TRIQK: variants seen among roughly 807,000 people sequenced by gnomAD.
TRIQK encodes the protein triple QxxK/R motif containing.
Under a neutral mutation model 10.8 loss-of-function variants are expected in TRIQK, and 10 were observed. The observed-to-expected ratio is 0.92, with a 90% CI of 0.57 to 1.57. The LOEUF is 1.57. Among genes scored for constraint, TRIQK ranks in the 40% most tolerant of loss-of-function variants. TRIQK has a pLI of 0.00. For synonymous variants in TRIQK, 33 were observed against 33.7 expected (o/e 0.98, Z 0.07); for missense variants, 107 against 97.7 (o/e 1.09, Z -0.40).
chr8:92,919,385 CT>C (rs1810049575), intron 2 of TRIQK, among the ~76,000 whole-genome samples: 1 of 151,816 alleles, frequency 6.6e-6, no homozygotes, highest in Non-Finnish European at 1.5e-5. Context: ...TTTTCAGCAT[CT>C]ACTGAAATAA....
chr8:92,894,456 A>G (rs1218861856), intron 3 of TRIQK, among the ~76,000 whole-genome samples: 1 of 152,148 alleles, frequency 6.6e-6, no homozygotes, highest in Non-Finnish European at 1.5e-5. Flanking sequence ...AAGGGAAAAA[A>G]AAAACACAGT....
At chr8:92,919,921 A>G (rs568646301) in intron 2 of TRIQK, among the ~76,000 whole-genome samples, 10 of 151,824 alleles carry the variant, frequency 6.6e-5, no homozygotes, top group African/African-American at 2.4e-4. Flanking sequence ...ATTTGTTGGT[A>G]TATAGTTGTT....
chr8:92,990,917 T>C (rs534666813), intron 1 of TRIQK, among the ~76,000 whole-genome samples: 1 of 152,018 alleles, frequency 6.6e-6, no homozygotes, highest in African/African-American at 2.4e-5. Context: ...TTCACTGCCC[T>C]GAAAAGGGGG....
intron 2 of TRIQK, among the ~76,000 whole-genome samples, chr8:92,918,612 G>T (rs548476067): frequency 6.6e-6 from 1 of 151,874 alleles, no homozygotes; most frequent in South Asian, 2.1e-4. Flanking sequence ...TATATTCTGG[G>T]TATTAATCCT....
intron 1 of TRIQK, among the ~76,000 whole-genome samples, chr8:92,995,450 C>T (rs1813143996): frequency 6.6e-6 from 1 of 151,814 alleles, no homozygotes. Context: ...TCTTTAGGGT[C>T]TTTGTTATTA....
chr8:93,007,434 G>A (rs1369084895), intron 1 of TRIQK, among the ~76,000 whole-genome samples: 1 of 152,208 alleles, frequency 6.6e-6, no homozygotes, highest in Non-Finnish European at 1.5e-5. Flanking sequence ...AAGACTCAAC[G>A]AGAAAACACT....
At chr8:92,935,859 T>C (rs567240100) in intron 2 of TRIQK, among the ~76,000 whole-genome samples, 2 of 151,666 alleles carry the variant, frequency 1.3e-5, no homozygotes, top group Admixed American at 1.3e-4. Flanking sequence ...AAAACAGACT[T>C]ACCAATAGCA....
intron 3 of TRIQK, among the ~76,000 whole-genome samples, chr8:92,910,288 A>G (rs1280506151): frequency 6.6e-6 from 1 of 151,322 alleles, no homozygotes; most frequent in East Asian, 1.9e-4. Context: ...TAAGGATATT[A>G]ATATACTTTA....
rs530712557 is a variant in TRIQK, at chr8:93,012,755, C to G, written c.-181+4854G>C. On this transcript the variant is annotated intron_variant, in intron 1 of 4. Transcript: ENST00000520686. Reference sequence around the variant, plus strand: ...CAGGTTTGTTTTCTTACTAAACCCTCTGAATAAAAGGGTAAAAAATATTCC... The same window carrying G: ...CAGGTTTGTTTTCTTACTAAACCCTGTGAATAAAAGGGTAAAAAATATTCC... Among the ~76,000 whole-genome samples, 12 of 152,252 alleles carry G rather than the reference C, an allele frequency of 7.9e-5. No homozygotes were observed. In the East Asian group the frequency reaches 1.9e-3, roughly 25 times the overall value.
At chr8:92,971,560 A>G (rs1028446076) in intron 1 of TRIQK, among the ~76,000 whole-genome samples, 1 of 152,212 alleles carries the variant, frequency 6.6e-6, no homozygotes, top group Non-Finnish European at 1.5e-5. Flanking sequence ...TACGAAGAGA[A>G]TAAAATACCT....
chr8:92,923,284 G>A (rs941218046), intron 2 of TRIQK, among the ~76,000 whole-genome samples: 19 of 151,600 alleles, frequency 1.3e-4, no homozygotes, highest in African/African-American at 2.7e-4. Context: ...ACATACAGCC[G>A]CAATTTCTAA....
At chr8:92,976,553 A>T (rs1404808442) in intron 1 of TRIQK, among the ~76,000 whole-genome samples, 3 of 151,952 alleles carry the variant, frequency 2.0e-5, no homozygotes, top group Non-Finnish European at 4.4e-5. Context: ...TTTGTAGACA[A>T]CATGTAGTTG....
chr8:93,004,921 G>A (rs896308947), intron 1 of TRIQK, among the ~76,000 whole-genome samples: 8 of 152,140 alleles, frequency 5.3e-5, no homozygotes, highest in African/African-American at 1.9e-4. Context: ...CAGTATTTTG[G>A]CCACAACCAT....
intron 3 of TRIQK, among the ~76,000 whole-genome samples, chr8:92,914,100 C>T (rs1809710302): frequency 6.6e-6 from 1 of 152,190 alleles, no homozygotes; most frequent in South Asian, 2.1e-4. Context: ...CACATGTATC[C>T]TAGAACTTAA....
At chr8:92,944,526 C>T (rs1033927189) in intron 2 of TRIQK, among the ~76,000 whole-genome samples, 1 of 151,950 alleles carries the variant, frequency 6.6e-6, no homozygotes, top group Non-Finnish European at 1.5e-5. Flanking sequence ...TACTATCCAG[C>T]CATAAAAAAG....
intron 3 of TRIQK, among the ~76,000 whole-genome samples, chr8:92,914,488 G>A (rs917144594): frequency 3.3e-5 from 5 of 152,170 alleles, no homozygotes; most frequent in Admixed American, 6.5e-5. Flanking sequence ...ATGTACTTGA[G>A]AAACAGTTAA....
intron 1 of TRIQK, chr8:92,974,776 T>C (rs941137969): frequency 2.0e-5 from 3 of 152,226 alleles, no homozygotes; most frequent in Admixed American, 2.0e-4. Flanking sequence ...AGAAAGCAAC[T>C]AGCCCAGTCT....
At chr8:92,943,770 T>C (rs1453688092) in intron 2 of TRIQK, among the ~76,000 whole-genome samples, 4 of 152,078 alleles carry the variant, frequency 2.6e-5, no homozygotes, top group Admixed American at 6.5e-5. Flanking sequence ...TGGACACACA[T>C]TGGATTGAGC....
chr8:92,919,829 G>T (rs1295378004), intron 2 of TRIQK, among the ~76,000 whole-genome samples: 3 of 151,646 alleles, frequency 2.0e-5, no homozygotes, highest in African/African-American at 7.3e-5. Flanking sequence ...TTTTTGGTCT[G>T]TTCAACTATT....
Sources: allele counts gnomAD v4.1 joint callset (sites outside exome capture counted in the v4.1 genomes callset), GRCh38; gene constraint gnomAD v4.1.1; transcripts MANE v1.5; gene names NCBI Gene and HGNC (gene_info 2026-07-23, HGNC 2026-07-21).